Variants in METTL24 observed in about 807,000 individuals in gnomAD.
METTL24 encodes the protein probable methyltransferase-like protein 24.
Under a neutral mutation model 32.7 loss-of-function variants are expected in METTL24, and 29 were observed. That is an observed-to-expected ratio of 0.89 (90% CI 0.66 to 1.21). METTL24 has a LOEUF of 1.21. METTL24 is among the 50% of genes most tolerant of loss of function. METTL24 has a pLI of 0.00. For synonymous variants in METTL24, 163 were observed against 179.5 expected, an observed-to-expected ratio of 0.91 and a Z score of 0.73; for missense variants, 439 against 468.1, an observed-to-expected ratio of 0.94 and a Z score of 0.57.
intron 1 of METTL24, among the ~76,000 whole-genome samples, chr6:110,348,456 A>G (rs1478514499): frequency 6.6e-6 from 1 of 152,254 alleles, no homozygotes; most frequent in Admixed American, 6.5e-5. Context: ...CTACTCCCGA[A>G]ACTGCTGAAG....
intron 3 of METTL24, among the ~76,000 whole-genome samples, chr6:110,305,846 A>G (rs1771617648): frequency 6.6e-6 from 1 of 152,232 alleles, no homozygotes; most frequent in Non-Finnish European, 1.5e-5. Flanking sequence ...AAAGGATTAT[A>G]AATCATTCTA....
chr6:110,346,906 C>G (rs1028626522), intron 1 of METTL24, among the ~76,000 whole-genome samples: 3 of 152,080 alleles, frequency 2.0e-5, no homozygotes, highest in Admixed American at 2.0e-4. Flanking sequence ...TATTAATCAT[C>G]GTTATATGTA....
intron 1 of METTL24, 108 bp downstream of exon 1, chr6:110,357,847 C>A: frequency 2.1e-6 from 1 of 467,458 alleles, no homozygotes; most frequent in Non-Finnish European, 3.0e-6. Context: ...GCGGAAGCCT[C>A]CGGAGGTCCC....
At chr6:110,254,292 T>A (rs1251916825) in intron 4 of METTL24, 1 of 174,434 alleles carries the variant, frequency 5.7e-6, no homozygotes, top group Non-Finnish European at 1.2e-5. Flanking sequence ...ATTTTAAGAA[T>A]TGTTATTTAT....
At chr6:110,280,460 G>T (rs1362287947) in intron 4 of METTL24, among the ~76,000 whole-genome samples, 1 of 151,958 alleles carries the variant, frequency 6.6e-6, no homozygotes, top group African/African-American at 2.4e-5. Flanking sequence ...CAAATATGTT[G>T]TTTCCAGAAT....
At position 110,346,531 on chromosome 6, in the gene METTL24, T is replaced by C. The variant is rs1007406902; in HGVS notation, c.318+11424A>G. Among the ~76,000 whole-genome samples, 4 of 146,442 alleles carry C rather than the reference T, an allele frequency of 2.7e-5. No homozygotes were observed. In the Admixed American group the frequency reaches 2.7e-4, roughly 10 times the overall value. ...TTTTTTTTTTTTTTGAGATGGAGTC[T>C]CACTCTGTCACCCAGCAGGCTGGAG... On this transcript the variant is annotated intron_variant, in intron 1 of 4. Coordinates refer to ENST00000338882, the MANE Select transcript of METTL24 (RefSeq NM_001123364.3).
intron 4 of METTL24, among the ~76,000 whole-genome samples, chr6:110,269,048 A>G (rs1488780051): frequency 6.6e-6 from 1 of 152,194 alleles, no homozygotes; most frequent in Non-Finnish European, 1.5e-5. Flanking sequence ...ATACCAAGAA[A>G]CAAACGTATG....
At chr6:110,262,450 G>A (rs1770754041) in intron 4 of METTL24, among the ~76,000 whole-genome samples, 1 of 152,044 alleles carries the variant, frequency 6.6e-6, no homozygotes, top group Non-Finnish European at 1.5e-5. Context: ...ACCAATAACA[G>A]GCTCTGAAAT....
intron 1 of METTL24, among the ~76,000 whole-genome samples, chr6:110,334,914 G>A (rs1772183132): frequency 2.0e-5 from 3 of 152,136 alleles, no homozygotes; most frequent in Admixed American, 2.0e-4. Context: ...TTCCTTGCAT[G>A]ATTCTATATT....
chr6:110,320,115 C>T (rs1771905927), intron 2 of METTL24, among the ~76,000 whole-genome samples: 1 of 152,184 alleles, frequency 6.6e-6, no homozygotes, highest in Admixed American at 6.5e-5. Context: ...ATCAATGATG[C>T]ACATACCAAA....
At chr6:110,280,321 T>G (rs1771115854) in intron 4 of METTL24, among the ~76,000 whole-genome samples, 1 of 152,190 alleles carries the variant, frequency 6.6e-6, no homozygotes, top group Non-Finnish European at 1.5e-5. Flanking sequence ...TTTGGGCCCT[T>G]AACGAATTAT....
At chr6:110,249,558 A>G (rs1778235257) in intron 4 of METTL24, among the ~76,000 whole-genome samples, 1 of 152,018 alleles carries the variant, frequency 6.6e-6, no homozygotes, top group Non-Finnish European at 1.5e-5. Flanking sequence ...AAAACGTCCC[A>G]TTACTGCAAT....
chr6:110,247,251 G>A (rs1562214188), intron 4 of METTL24, among the ~76,000 whole-genome samples: 1 of 152,152 alleles, frequency 6.6e-6, no homozygotes. Context: ...GATTCTGTGA[G>A]TATCCCTAAT....
intron 4 of METTL24, among the ~76,000 whole-genome samples, chr6:110,290,234 G>A (rs1347250057): frequency 6.6e-6 from 1 of 151,966 alleles, no homozygotes; most frequent in East Asian, 1.9e-4. Flanking sequence ...AACTTTTGAC[G>A]AATGTATATA....
intron 1 of METTL24, among the ~76,000 whole-genome samples, chr6:110,342,566 C>T (rs1338502853): frequency 6.6e-6 from 1 of 152,174 alleles, no homozygotes; most frequent in African/African-American, 2.4e-5. Flanking sequence ...GATTCACATG[C>T]CACAAAATTT....
chr6:110,252,712 G>A (rs1185202155), intron 4 of METTL24, among the ~76,000 whole-genome samples: 1 of 152,200 alleles, frequency 6.6e-6, no homozygotes, highest in East Asian at 1.9e-4. Flanking sequence ...AAATTAATTG[G>A]AGGTGAGTCA....
chr6:110,262,092 C>A (rs1323503910), intron 4 of METTL24, among the ~76,000 whole-genome samples: 2 of 152,054 alleles, frequency 1.3e-5, no homozygotes. Flanking sequence ...CAAAAGCTAG[C>A]AGAAGGCAAG....
chr6:110,295,647 A>G (rs1167884627), intron 4 of METTL24, among the ~76,000 whole-genome samples: 1 of 152,226 alleles, frequency 6.6e-6, no homozygotes, highest in African/African-American at 2.4e-5. Flanking sequence ...GCAGCAAACA[A>G]TAGTTCTCTA....
chr6:110,324,676 C>T (rs1447928457), intron 1 of METTL24, among the ~76,000 whole-genome samples: 1 of 152,208 alleles, frequency 6.6e-6, no homozygotes, highest in Non-Finnish European at 1.5e-5. Context: ...TGTAGCTCTT[C>T]TTGTTCTGTG....
Sources: allele counts gnomAD v4.1 joint callset (sites outside exome capture counted in the v4.1 genomes callset), GRCh38; gene constraint gnomAD v4.1.1; transcripts MANE v1.5; gene names NCBI Gene and HGNC (gene_info 2026-07-23, HGNC 2026-07-21).